Variants in ALMS1 observed in about 807,000 individuals in gnomAD.
The protein encoded by ALMS1 is centrosome-associated protein ALMS1.
Under a neutral mutation model 352.2 loss-of-function variants are expected in ALMS1, and 271 were observed. The ratio of observed to expected loss-of-function variants is 0.77; its 90% confidence interval spans 0.70 to 0.85. ALMS1 has a LOEUF of 0.85. ALMS1 is among the 40% of genes least tolerant of loss of function. ALMS1 has a pLI of 0.00. For synonymous variants in ALMS1, 1,865 were observed against 1,761.2 expected, an observed-to-expected ratio of 1.06 and a Z score of -1.48; for missense variants, 5,445 against 4,870.7, an observed-to-expected ratio of 1.12 and a Z score of -3.51.
intron 12 of ALMS1, 126 bp downstream of exon 12, chr2:73,535,075 C>G (rs898841094): frequency 4.2e-6 from 5 of 1,190,508 alleles, no homozygotes; most frequent in Non-Finnish European, 5.0e-6. Context: ...ACTTTTCATA[C>G]CTTGATCTCT....
intron 9 of ALMS1, among the ~76,000 whole-genome samples, chr2:73,465,220 C>T (rs1288269648): frequency 6.6e-6 from 1 of 152,046 alleles, no homozygotes; most frequent in Non-Finnish European, 1.5e-5. Flanking sequence ...AGGCATCACA[C>T]TACCTGACTT....
chr2:73,566,835 G>A (rs1674811674), intron 15 of ALMS1, among the ~76,000 whole-genome samples: 1 of 152,178 alleles, frequency 6.6e-6, no homozygotes, highest in Non-Finnish European at 1.5e-5. Flanking sequence ...CCCTCCTCAG[G>A]TTTGGTAATT....
chr2:73,569,942 C>A (rs1481780488), intron 15 of ALMS1, among the ~76,000 whole-genome samples: 1 of 152,168 alleles, frequency 6.6e-6, no homozygotes, highest in East Asian at 1.9e-4. Context: ...GTCCAGCTTA[C>A]ATTTTAAAAA....
chr2:73,513,499 A>T (rs1673494305), intron 10 of ALMS1, among the ~76,000 whole-genome samples: 2 of 152,112 alleles, frequency 1.3e-5, no homozygotes, highest in African/African-American at 4.8e-5. Context: ...AGGTTCTGAC[A>T]TTCAAGGTCA....
At chr2:73,501,603 G>A (rs1004254096) in intron 10 of ALMS1, among the ~76,000 whole-genome samples, 4 of 151,944 alleles carry the variant, frequency 2.6e-5, no homozygotes, top group Non-Finnish European at 5.9e-5. Flanking sequence ...AAATTAGTTG[G>A]CCTTATATGT....
intron 7 of ALMS1, among the ~76,000 whole-genome samples, chr2:73,440,777 A>G (rs1461214416): frequency 1.3e-5 from 2 of 152,124 alleles, no homozygotes; most frequent in East Asian, 3.8e-4. Context: ...GGTAAAAATG[A>G]ATTTTGATTA....
intron 11 of ALMS1, among the ~76,000 whole-genome samples, chr2:73,523,858 GT>G (rs948330496): frequency 2.6e-4 from 39 of 152,198 alleles, no homozygotes; most frequent in African/African-American, 9.4e-4. Context: ...AGGATTTTGG[GT>G]TTTATTAACT....
rs755942446 is a variant in ALMS1, at chr2:73,452,451, A to G, written c.5924A>G (p.Glu1975Gly). 1 of 1,614,100 alleles carries G rather than the reference A, an allele frequency of 6.2e-7. No homozygotes were observed. The change falls in exon 8 of 23, where the codon GAG becomes GGG. Residue 1975 changes from glutamate to glycine, a missense_variant. Coordinates refer to ENST00000613296, the MANE Select transcript of ALMS1 (RefSeq NM_001378454.1). Reference sequence around the variant, plus strand: ...GTTTCACCTGTTTCTATACCAGCAGAGCAGAAGACTGGGATACCAATAGGA... The same window carrying G: ...GTTTCACCTGTTTCTATACCAGCAGGGCAGAAGACTGGGATACCAATAGGA... ...LKVSPVSIPA[E>G]QKTGIPIGLS...
intron 2 of ALMS1, among the ~76,000 whole-genome samples, chr2:73,413,149 C>A (rs1304473183): frequency 6.6e-6 from 1 of 151,996 alleles, no homozygotes; most frequent in Non-Finnish European, 1.5e-5. Context: ...CTGTTAAAAT[C>A]TCTGCCTGAT....
At chr2:73,516,497 TATC>T (rs1673559316) in intron 10 of ALMS1, among the ~76,000 whole-genome samples, 1 of 152,168 alleles carries the variant, frequency 6.6e-6, no homozygotes, top group Admixed American at 6.5e-5. Flanking sequence ...ATATAATCAA[TATC>T]ATATTATTGC....
At position 73,491,166 on chromosome 2, in the gene ALMS1, T is replaced by G. The variant is rs765463346; in HGVS notation, c.9207T>G (p.His3069Gln). 2 of 1,614,086 alleles carry G rather than the reference T, an allele frequency of 1.2e-6. No individual in the cohort carries two copies. The highest frequency in any genetic ancestry group is 1.1e-5 in the South Asian group (1 of 91,080). The change falls in exon 10 of 23, where the codon CAT (histidine) becomes CAG (glutamine). Residue 3069 changes from histidine to glutamine, a missense_variant. His to Gln is a conservative substitution (Grantham distance 24). Transcript: ENST00000613296. ...LDSGTLDERF[H>Q]SLDAASKARM... is the part of the protein sequence containing the mutation. ...GTGGAACTTTAGATGAAAGATTCCA[T>G]TCATTGGATGCTGCTTCTAAAGCGA...
At chr2:73,392,337 C>G (rs1670668331) in intron 1 of ALMS1, among the ~76,000 whole-genome samples, 1 of 150,034 alleles carries the variant, frequency 6.7e-6, no homozygotes, top group South Asian at 2.1e-4. Context: ...TACTTAAAAA[C>G]ATTTTAATAG....
Position 73,523,925 on chromosome 2 carries a change from C to T in ALMS1, c.9781+3909C>T, listed in dbSNP as rs72811938. The stretch of plus-strand genomic sequence containing the variant: ...ATGGTTACAGGATATAAGAGAAAAC[C>T]GTGGTCTATAAGAATAAAGATAAAC... On this transcript the variant is annotated intron_variant, in intron 11 of 22. Coordinates refer to ENST00000613296, the MANE Select transcript of ALMS1 (RefSeq NM_001378454.1). Among the ~76,000 whole-genome samples the T allele has an allele frequency of 3.3e-3, 502 of 152,080 alleles. 2 individuals are homozygous for T. Among genetic ancestry groups the T allele is most frequent in the Non-Finnish European group, 5.3e-3 (357 of 67,990 alleles).
chr2:73,431,115 C>T (rs1350742020), intron 6 of ALMS1, among the ~76,000 whole-genome samples: 9 of 152,142 alleles, frequency 5.9e-5, no homozygotes, highest in Admixed American at 2.6e-4. Context: ...TCATCCATCC[C>T]TGGCCTCTAT....
intron 1 of ALMS1, among the ~76,000 whole-genome samples, chr2:73,396,835 G>T (rs748577401): frequency 6.6e-6 from 1 of 151,768 alleles, no homozygotes; most frequent in African/African-American, 2.4e-5. Context: ...TAGTAGAGAC[G>T]GGGTTTAACC....
At chr2:73,579,524 C>G (rs1675127788) in intron 16 of ALMS1, among the ~76,000 whole-genome samples, 2 of 150,742 alleles carry the variant, frequency 1.3e-5, no homozygotes, top group Non-Finnish European at 3.0e-5. Context: ...CCACACCCAG[C>G]TAATTTTTGT....
At chr2:73,558,573 G>A (rs561880817) in intron 14 of ALMS1, among the ~76,000 whole-genome samples, 14 of 152,220 alleles carry the variant, frequency 9.2e-5, no homozygotes, top group Admixed American at 5.9e-4. Context: ...ATAATCAAAT[G>A]CTATATACTT....
chr2:73,386,117 C>T lies in ALMS1; in HGVS notation c.249C>T (p.His83=). The T allele has an allele frequency of 6.3e-7, 1 of 1,581,952 alleles. No homozygotes were observed. The highest frequency in any genetic ancestry group is 8.6e-7 in the Non-Finnish European group (1 of 1,164,742). The part of the protein sequence containing the change: ...DEEAKAWLQA[H]PGRILPPLSP... ...AGGCCAAGGCCTGGCTGCAGGCGCACCCCGGCAGGATTTTGCCTCCGCTGT... is the reference window on the plus strand; with the variant it reads ...AGGCCAAGGCCTGGCTGCAGGCGCATCCCGGCAGGATTTTGCCTCCGCTGT... Residue 83 remains histidine (H), a synonymous_variant, in exon 1 of 23, where the codon CAC becomes CAT. Transcript: ENST00000613296.
chr2:73,484,176 C>G (rs2103873865), intron 9 of ALMS1, among the ~76,000 whole-genome samples: 1 of 151,804 alleles, frequency 6.6e-6, no homozygotes, highest in Non-Finnish European at 1.5e-5. Context: ...TCTTGATGGT[C>G]TTTACATTTT....
Sources: allele counts gnomAD v4.1 joint callset (sites outside exome capture counted in the v4.1 genomes callset), GRCh38; gene constraint gnomAD v4.1.1; transcripts MANE v1.5; gene names NCBI Gene and HGNC (gene_info 2026-07-23, HGNC 2026-07-21).